The following LHFPL6 variants were observed in gnomAD, a reference collection of about 807,000 sequenced individuals.
LHFPL6 encodes LHFPL tetraspan subfamily member 6.
Under a neutral mutation model 20.6 loss-of-function variants are expected in LHFPL6, and 9 were observed. The observed-to-expected ratio is 0.44, with a 90% CI of 0.26 to 0.76. The LOEUF (loss-of-function observed/expected upper bound fraction) is 0.76. LHFPL6 is among the 30% of genes least tolerant of loss of function. LHFPL6 has a pLI of 0.20. For missense variants in LHFPL6, 218 were observed against 253.5 expected, an observed-to-expected ratio of 0.86 and a Z score of 0.95; for synonymous variants, 105 against 98.7, an observed-to-expected ratio of 1.06 and a Z score of -0.38.
At chr13:39,424,577 C>T (rs1022706671) in intron 2 of LHFPL6, among the ~76,000 whole-genome samples, 6 of 152,150 alleles carry the variant, frequency 3.9e-5, no homozygotes, top group African/African-American at 1.4e-4. Context: ...AAATTTATCA[C>T]CTGTTTATGT....
chr13:39,492,609 C>A (rs1044800837), intron 2 of LHFPL6, among the ~76,000 whole-genome samples: 17 of 151,690 alleles, frequency 1.1e-4, no homozygotes, highest in Non-Finnish European at 2.2e-4. Context: ...CATATTTTTT[C>A]CAAAAAAAGG....
intron 3 of LHFPL6, among the ~76,000 whole-genome samples, chr13:39,347,207 G>A (rs186248705): frequency 6.6e-6 from 1 of 150,950 alleles, no homozygotes; most frequent in East Asian, 2.0e-4. Context: ...CCTGTGTCTT[G>A]TCTCTGGCCA....
chr13:39,438,068 A>G (rs1464790322), intron 2 of LHFPL6, among the ~76,000 whole-genome samples: 1 of 152,222 alleles, frequency 6.6e-6, no homozygotes, highest in Non-Finnish European at 1.5e-5. Context: ...TTTCCTAGAG[A>G]CGTATTAAAT....
intron 2 of LHFPL6, among the ~76,000 whole-genome samples, chr13:39,385,665 A>T (rs1385196772): frequency 6.6e-6 from 1 of 152,238 alleles, no homozygotes; most frequent in Non-Finnish European, 1.5e-5. Context: ...CAGAATAAGA[A>T]CCTGGGGCTG....
intron 2 of LHFPL6, among the ~76,000 whole-genome samples, chr13:39,413,324 C>T (rs932098623): frequency 6.6e-6 from 1 of 151,954 alleles, no homozygotes; most frequent in African/African-American, 2.4e-5. Context: ...GAAATGTATC[C>T]ACATTGATAT....
chr13:39,375,733 T>TACAAGGACACAGAGAGGAGTCTGAACAAA (rs1870278379), intron 3 of LHFPL6, among the ~76,000 whole-genome samples: 1 of 143,096 alleles, frequency 7.0e-6, no homozygotes, highest in African/African-American at 3.0e-5. Flanking sequence ...CCTAGAGATA[T>TACAAGGACACAGAGAGGAGTCTGAACAAA]CTCTATGCCA....
At chr13:39,576,547 T>C (rs1217007859) in intron 2 of LHFPL6, among the ~76,000 whole-genome samples, 1 of 152,232 alleles carries the variant, frequency 6.6e-6, no homozygotes, top group Non-Finnish European at 1.5e-5. Context: ...CTCTGGCTTT[T>C]TTCTGCATTA....
chr13:39,494,224 A>G (rs533115401), intron 2 of LHFPL6, among the ~76,000 whole-genome samples: 1 of 152,366 alleles, frequency 6.6e-6, no homozygotes, highest in East Asian at 1.9e-4. Flanking sequence ...CACTGGCCTC[A>G]AATGCCATCA....
chr13:39,454,979 T>C (rs891542445), intron 2 of LHFPL6, among the ~76,000 whole-genome samples: 1 of 152,180 alleles, frequency 6.6e-6, no homozygotes, highest in South Asian at 2.1e-4. Context: ...ATTTCCACTT[T>C]GGAGATTCTG....
At chr13:39,386,753 T>A (rs1348853146) in intron 2 of LHFPL6, among the ~76,000 whole-genome samples, 1 of 152,234 alleles carries the variant, frequency 6.6e-6, no homozygotes, top group East Asian at 1.9e-4. Context: ...CAGGTCCTGG[T>A]CATCCTGTTA....
At chr13:39,377,755 AAAAC>A (rs1870327341) in intron 3 of LHFPL6, among the ~76,000 whole-genome samples, 2 of 152,252 alleles carry the variant, frequency 1.3e-5, no homozygotes, top group African/African-American at 4.8e-5. Context: ...AGTCTGCAGA[AAAAC>A]AAATTTGTGA....
rs1869305954 is a variant in LHFPL6, at chr13:39,343,599, T to A, written c.*337A>T. On this transcript the variant is annotated 3_prime_UTR_variant, in exon 4 of 4. Coordinates refer to ENST00000379589, the MANE Select transcript of LHFPL6 (RefSeq NM_005780.3). ...CCAAACCCTTGTTTGTATATGTAGA[T>A]TTGTTGTGTGTGTGTGTGTGTGTGT... 4.7e-6 allele frequency: 1 copy of A among 213,992 alleles called. No homozygotes were observed. The highest frequency in any genetic ancestry group is 2.7e-5 in the African/African-American group (1 of 36,848). 13.3% of individuals were successfully genotyped at this position (213,992 alleles called of 1,614,324 possible). A position where few individuals can be genotyped will look rare whatever the true frequency, so the allele number is the denominator to read the frequency against.
intron 2 of LHFPL6, among the ~76,000 whole-genome samples, chr13:39,573,985 A>G (rs1872018875): frequency 6.6e-6 from 1 of 152,168 alleles, no homozygotes; most frequent in Non-Finnish European, 1.5e-5. Flanking sequence ...CTCCCAACAG[A>G]AAGTATATAG....
chr13:39,536,255 A>G (rs886191439), intron 2 of LHFPL6, among the ~76,000 whole-genome samples: 4 of 152,182 alleles, frequency 2.6e-5, no homozygotes, highest in African/African-American at 9.7e-5. Flanking sequence ...ACATCAAGTG[A>G]TTGCTATGAA....
chr13:39,601,301 C>CTGTTCTACTTT lies in LHFPL6; in HGVS notation c.-86_-85insAAAGTAGAACA. 7.3e-7 allele frequency: 1 copy of CTGTTCTACTTT among 1,362,908 alleles called. No homozygotes were observed. The highest frequency in any genetic ancestry group is 9.9e-7 in the Non-Finnish European group (1 of 1,008,886). The allele number at this position is 1,362,908 out of a possible 1,614,324, so 84.4% of individuals were successfully genotyped here. On this transcript the variant is annotated 5_prime_UTR_variant, in exon 2 of 4. It introduces an in-frame stop codon into an upstream open reading frame of the 5' UTR. Transcript: ENST00000379589. Reference sequence around the variant, plus strand: ...TGAAGGTGTGAAATCACCAGGGACCCACAGATAATCCACAGTTCCGTAATG... The same window carrying CTGTTCTACTTT: ...TGAAGGTGTGAAATCACCAGGGACCCTGTTCTACTTTACAGATAATCCACAGTTCCGTAATG...
intron 3 of LHFPL6, among the ~76,000 whole-genome samples, chr13:39,356,134 G>A (rs74550916): frequency 0.014 from 2,100 of 152,252 alleles, 52 homozygotes; most frequent in African/African-American, 0.047. Context: ...GATAAAGCAC[G>A]TCTCAATAAA....
At chr13:39,593,314 C>G (rs1207520067) in intron 2 of LHFPL6, among the ~76,000 whole-genome samples, 3 of 152,192 alleles carry the variant, frequency 2.0e-5, no homozygotes, top group Non-Finnish European at 4.4e-5. Flanking sequence ...CACAAGCATT[C>G]TTATACACCA....
intron 2 of LHFPL6, among the ~76,000 whole-genome samples, chr13:39,477,252 T>A (rs983824467): frequency 6.6e-6 from 1 of 152,144 alleles, no homozygotes; most frequent in Non-Finnish European, 1.5e-5. Flanking sequence ...TCCATCTTTG[T>A]CGGGTTCTCT....
At position 39,343,690 on chromosome 13, in the gene LHFPL6, G is replaced by A. The variant is rs1869312489; in HGVS notation, c.*246C>T. 1 of 413,000 alleles carries A rather than the reference G, an allele frequency of 2.4e-6. No homozygotes were observed. The highest frequency in any genetic ancestry group is 4.4e-6 in the Non-Finnish European group (1 of 228,422). The allele number at this position is 413,000 out of a possible 1,614,324, so 25.6% of individuals were successfully genotyped here. A position where few individuals can be genotyped will look rare whatever the true frequency, so the allele number is the denominator to read the frequency against. On this transcript the variant is annotated 3_prime_UTR_variant, in exon 4 of 4. Coordinates refer to ENST00000379589, the MANE Select transcript of LHFPL6 (RefSeq NM_005780.3). ...ACTCTGTGGAATAGAAACACCCGAT[G>A]CCCTGCAATATTTTTAGCCTTTGGT...
Sources: gnomAD v4.1 joint callset for allele counts (sites outside exome capture counted in the v4.1 genomes callset) on GRCh38, gnomAD v4.1.1 for gene constraint, MANE v1.5 for transcripts, NCBI Gene and HGNC (gene_info 2026-07-23, HGNC 2026-07-21) for gene names.